Variants in MBNL3 observed in about 807,000 individuals in gnomAD.
MBNL3 encodes the protein muscleblind-like protein 3.
MBNL3 carries 6 observed loss-of-function variants against 24.5 expected under a neutral mutation model. The ratio of observed to expected loss-of-function variants is 0.25; its 90% confidence interval spans 0.13 to 0.48. The LOEUF (loss-of-function observed/expected upper bound fraction) is 0.48, where lower values mean the gene tolerates loss of function less well. Among genes scored for constraint, MBNL3 ranks in the 20% least tolerant of loss-of-function variants. The pLI is 0.99. For synonymous variants in MBNL3, 100 were observed against 101.7 expected, an observed-to-expected ratio of 0.98 and a Z score of 0.10; for missense variants, 230 against 293.5, an observed-to-expected ratio of 0.78 and a Z score of 1.58.
rs762807907 is a variant in MBNL3, at chrX:132,406,317, G to C, written c.253C>G (p.Arg85Gly). 1 of 1,211,238 alleles carries C rather than the reference G, an allele frequency of 8.3e-7. No individual in the cohort carries two copies. The highest frequency in any genetic ancestry group is 1.1e-6 in the Non-Finnish European group (1 of 895,133). ...GTCTTCTGTTGAATCAGATTGTTCC[G>C]CCCATTAATCTCCAGCTGCGTTTTT... ...HLKTQLEING[R>G]NNLIQQKTAA... is the part of the protein sequence containing the mutation. Residue 85 changes from arginine (R) to glycine (G), a missense_variant, in exon 3 of 9, where the codon CGG becomes GGG. Coordinates refer to ENST00000370853, the MANE Select transcript of MBNL3 (RefSeq NM_001386889.1).
chrX:132,425,743 C>T (rs183477822), intron 2 of MBNL3, among the ~76,000 whole-genome samples: 2 of 111,149 alleles, frequency 1.8e-5, no homozygotes, highest in African/African-American at 6.5e-5. Context: ...CATTTTAAGA[C>T]AAAAAATGCT....
intron 2 of MBNL3, among the ~76,000 whole-genome samples, chrX:132,417,546 A>G (rs1215882980): frequency 8.9e-6 from 1 of 112,055 alleles, no homozygotes; most frequent in Non-Finnish European, 1.9e-5. Context: ...ACTTATTAGA[A>G]GAGCAGTACA....
At chrX:132,396,971 A>C (rs868749551) in intron 3 of MBNL3, among the ~76,000 whole-genome samples, 40 of 78,831 alleles carry the variant, frequency 5.1e-4, no homozygotes, top group African/African-American at 1.8e-3. Flanking sequence ...TATATATATG[A>C]ATATATATGA....
At chrX:132,489,839 G>A (rs1386634336), upstream of MBNL3, 1 of 110,877 alleles carries the variant, frequency 9.0e-6, no homozygotes, top group South Asian at 3.7e-4. Flanking sequence ...GCTGCGGGAC[G>A]GGCGGGAATG....
In MBNL3 at chrX:132,378,898, T is replaced by TA. The variant is rs1230628327; in HGVS notation, c.*767dup. The TA allele has an allele frequency of 2.6e-4, 29 of 112,300 alleles. No individual in the cohort carries two copies. Among genetic ancestry groups the TA allele is most frequent in the African/African-American group, 7.8e-4 (24 of 30,952 alleles). 9.3% of individuals were successfully genotyped at this position (112,300 alleles called of 1,213,427 possible). On this transcript the variant is annotated 3_prime_UTR_variant, in exon 9 of 9. Transcript: ENST00000370853. ...TTGTGCAGGTAATTATTTCTCTCTTTAAAAAATCTAGTAATTTGATTGTAT... is the reference window on the plus strand; with the variant it reads ...TTGTGCAGGTAATTATTTCTCTCTTTAAAAAAATCTAGTAATTTGATTGTAT...
chrX:132,462,695 CATGT>C (rs1312263596), intron 1 of MBNL3, among the ~76,000 whole-genome samples: 2 of 106,363 alleles, frequency 1.9e-5, no homozygotes, highest in African/African-American at 3.8e-5. Flanking sequence ...TGTGTGCATG[CATGT>C]GTGTGTGTGT....
At chrX:132,396,865 T>C (rs779658147) in intron 3 of MBNL3, among the ~76,000 whole-genome samples, 3 of 68,855 alleles carry the variant, frequency 4.4e-5, no homozygotes, top group East Asian at 7.9e-4. Flanking sequence ...TTCATATATA[T>C]ATTCATATAT....
Position 132,461,098 on chromosome X carries a change from G to T in MBNL3, c.-703-20784C>A, listed in dbSNP as rs766024060. Among the ~76,000 whole-genome samples, 15 of 111,656 alleles carry T rather than the reference G, an allele frequency of 1.3e-4. No homozygotes were observed. The South Asian group carries it at 2.6e-3, about 20-fold the overall frequency. On this transcript the variant is annotated intron_variant, in intron 1 of 8. Coordinates refer to ENST00000370853, the MANE Select transcript of MBNL3 (RefSeq NM_001386889.1). ...TTAAAAAATGATTTGTTATGTATTT[G>T]CTCTGAAGCCATCAAGGTCCTTATA... is the stretch of plus-strand genomic sequence containing the variant.
intron 1 of MBNL3, among the ~76,000 whole-genome samples, chrX:132,450,811 C>A (rs1339247536): frequency 8.9e-6 from 1 of 112,469 alleles, no homozygotes; most frequent in African/African-American, 3.2e-5. Flanking sequence ...ATTTATCTAC[C>A]TTTGGTGTTT....
chrX:132,390,783 A>G, intron 5 of MBNL3, 64 bp downstream of exon 5: 1 of 935,963 alleles, frequency 1.1e-6, no homozygotes, highest in Non-Finnish European at 1.5e-6. Context: ...AGGATATTAG[A>G]CAAATTGAGG....
intron 3 of MBNL3, among the ~76,000 whole-genome samples, chrX:132,398,908 A>G (rs1223225389): frequency 4.5e-5 from 5 of 111,682 alleles, no homozygotes; most frequent in Non-Finnish European, 9.4e-5. Flanking sequence ...CTACAAAAAT[A>G]TGAAGAATCA....
rs1189042284 is a variant in MBNL3, at chrX:132,382,042, C to A, written c.1053+136G>T. ...AGCACATATAGCATTCTAGAATATA[C>A]ACAAAAATAAAAATTCTAAATGTGA... On this transcript the variant is annotated intron_variant, in intron 8 of 8. Transcript: ENST00000370853. 4 of 529,468 alleles carry A rather than the reference C, an allele frequency of 7.6e-6. No individual in the cohort carries two copies. The East Asian group carries it at 1.0e-4, about 14-fold the overall frequency. The allele number at this position is 529,468 out of a possible 1,213,427, so 43.6% of individuals were successfully genotyped here.
intron 1 of MBNL3, among the ~76,000 whole-genome samples, chrX:132,468,670 C>T (rs1210502148): frequency 2.7e-5 from 3 of 112,079 alleles, no homozygotes; most frequent in Non-Finnish European, 5.6e-5. Flanking sequence ...GAAACTGAGA[C>T]ACAGAGAGGC....
intron 6 of MBNL3, 41 bp from the exon 7 acceptor site, chrX:132,384,739 T>C (rs375889887): frequency 3.5e-5 from 37 of 1,052,886 alleles, no homozygotes; most frequent in Non-Finnish European, 4.2e-5. Context: ...AAAAGAGATA[T>C]TTGATTATTA....
chrX:132,420,031 C>T (rs1361124217), intron 2 of MBNL3, among the ~76,000 whole-genome samples: 1 of 110,967 alleles, frequency 9.0e-6, no homozygotes, highest in Non-Finnish European at 1.9e-5. Flanking sequence ...AGATGGTGGC[C>T]GGCCACTTCC....
chrX:132,406,209 A>G lies in MBNL3; in HGVS notation c.342+19T>C. On this transcript the variant is annotated intron_variant, in intron 3 of 8. Transcript: ENST00000370853. The stretch of plus-strand genomic sequence containing the variant: ...TGTTGATCTTTATCGGCAATTTTCA[A>G]AATATAGCTGCGACTTACAAGTGAT... The G allele has an allele frequency of 8.3e-7, 1 of 1,210,676 alleles. No homozygotes were observed. Among genetic ancestry groups the G allele is most frequent in the Non-Finnish European group, 1.1e-6 (1 of 894,801 alleles).
chrX:132,449,480 T>C (rs1328212278), intron 1 of MBNL3, among the ~76,000 whole-genome samples: 2 of 91,198 alleles, frequency 2.2e-5, no homozygotes, highest in Admixed American at 1.2e-4. Context: ...TTTTTTTTTT[T>C]TTTTTTTGCT....
chrX:132,389,504 T>C (rs905486750), intron 5 of MBNL3, among the ~76,000 whole-genome samples: 8 of 111,806 alleles, frequency 7.2e-5, no homozygotes, highest in Non-Finnish European at 1.5e-4. Flanking sequence ...TGAAAATAAG[T>C]GTCTCTCTGT....
chrX:132,414,678 T>C (rs745710458), intron 2 of MBNL3, among the ~76,000 whole-genome samples: 22 of 111,545 alleles, frequency 2.0e-4, no homozygotes, highest in Admixed American at 1.6e-3. Flanking sequence ...TTTTTCATCA[T>C]ATTCCCGTTA....
Sources: allele counts gnomAD v4.1 joint callset (sites outside exome capture counted in the v4.1 genomes callset), GRCh38; gene constraint gnomAD v4.1.1; transcripts MANE v1.5; gene names NCBI Gene and HGNC (gene_info 2026-07-23, HGNC 2026-07-21).